Variants in PARD3B observed in about 807,000 individuals in gnomAD.
PARD3B encodes the protein par-3 family cell polarity regulator beta, also known as partitioning defective 3 homolog B.
PARD3B carries 103 observed loss-of-function variants against 130.2 expected under a neutral mutation model. That is an observed-to-expected ratio of 0.79 (90% CI 0.67 to 0.93). The LOEUF (loss-of-function observed/expected upper bound fraction) is 0.93. Among genes scored for constraint, PARD3B ranks in the 40% least tolerant of loss-of-function variants. The pLI is 0.00. For missense variants in PARD3B, 1,609 were observed against 1,499.2 expected (o/e 1.07, Z -1.21); for synonymous variants, 583 against 553.2 (o/e 1.05, Z -0.76).
chr2:205,029,391 A>G lies in PARD3B; in HGVS notation c.395-18190A>G, dbSNP rs545276601. Among the ~76,000 whole-genome samples, 6 of 152,082 alleles carry G rather than the reference A, an allele frequency of 3.9e-5. No homozygotes were observed. In the South Asian group the frequency reaches 1.2e-3, roughly 32 times the overall value. ...CTTACCACTTCCTTTGCTCTACCTCATCCTATAAGTGTCTTTCCCCTATGG... is the reference window on the plus strand; with the variant it reads ...CTTACCACTTCCTTTGCTCTACCTCGTCCTATAAGTGTCTTTCCCCTATGG... On this transcript the variant is annotated intron_variant, in intron 3 of 22. Transcript: ENST00000406610.
intron 4 of PARD3B, among the ~76,000 whole-genome samples, chr2:205,080,430 A>T (rs1701333621): frequency 6.6e-6 from 1 of 151,998 alleles, no homozygotes; most frequent in Admixed American, 6.6e-5. Flanking sequence ...TGATTTACCC[A>T]CCCTGGCCAA....
chr2:205,549,279 C>A (rs1354260870), intron 21 of PARD3B, among the ~76,000 whole-genome samples: 1 of 152,160 alleles, frequency 6.6e-6, no homozygotes, highest in African/African-American at 2.4e-5. Context: ...CCAGCAATCG[C>A]CTTCCTTAGT....
chr2:205,005,895 T>TC, intron 3 of PARD3B, among the ~76,000 whole-genome samples: 1 of 152,276 alleles, frequency 6.6e-6, no homozygotes, highest in Admixed American at 6.5e-5. Context: ...TTTTGAAATT[T>TC]TAGCACAACC....
At chr2:205,371,465 G>A (rs849205) in intron 18 of PARD3B, among the ~76,000 whole-genome samples, 37,356 of 152,070 alleles carry the variant, frequency 0.25, 5,958 homozygotes, top group African/African-American at 0.46. Context: ...TGTCCTGAAT[G>A]TTTGTGTTTA....
rs2047039698 is a variant in PARD3B at position 204,906,280 on chromosome 2, G to GCAA, written c.223-58870_223-58868dup. Among the ~76,000 whole-genome samples the GCAA allele has an allele frequency of 1.3e-5, 2 of 152,224 alleles. No homozygotes were observed. Among genetic ancestry groups the GCAA allele is most frequent in the South Asian group, 4.1e-4 (2 of 4,822 alleles). ...CTGGAGTAGGTGTCTCCTTCAGAAT[G>GCAA]CAACCCATTTAGACTCAGACTTTTC... On this transcript the variant is annotated intron_variant, in intron 2 of 22. Coordinates refer to ENST00000406610, the MANE Select transcript of PARD3B (RefSeq NM_001302769.2). This position sits in a 1 kb window ranked among gnomAD's most constrained non-coding sequence, Gnocchi z 4.3.
rs1025895255 is a variant in PARD3B at position 205,584,866 on chromosome 2, CT to C, written c.3261-30584del. On this transcript the variant is annotated intron_variant, in intron 22 of 22. Coordinates refer to ENST00000406610, the MANE Select transcript of PARD3B (RefSeq NM_001302769.2). This position sits in a 1 kb window ranked among gnomAD's most constrained non-coding sequence, Gnocchi z 5.5. The stretch of plus-strand genomic sequence containing the variant: ...CCTGAGCCTTCTTTTTTGGAAAACA[CT>C]TTTTTCCCCTTAGATTGTACATAAT... Among the ~76,000 whole-genome samples, 3 of 152,034 alleles carry C rather than the reference CT, an allele frequency of 2.0e-5. No homozygotes were observed. Among genetic ancestry groups the C allele is most frequent in the Admixed American group, 6.6e-5 (1 of 15,262 alleles).
At chr2:205,381,331 T>G (rs529724442) in intron 18 of PARD3B, among the ~76,000 whole-genome samples, 1 of 149,416 alleles carries the variant, frequency 6.7e-6, no homozygotes, top group African/African-American at 2.5e-5. Flanking sequence ...TTTGTCACAA[T>G]GACAACTGCT....
intron 15 of PARD3B, among the ~76,000 whole-genome samples, chr2:205,234,754 A>C (rs944183111): frequency 1.6e-4 from 25 of 152,196 alleles, no homozygotes; most frequent in African/African-American, 5.1e-4. Flanking sequence ...TCAAGAGCAC[A>C]TAGAACATTT....
chr2:205,210,253 A>C (rs6731255), intron 15 of PARD3B, among the ~76,000 whole-genome samples: 121,111 of 151,758 alleles, frequency 0.8, 48,967 homozygotes, highest in East Asian at 0.98. Context: ...AAATAAAAAG[A>C]AAATCAGCTT....
rs922397149 is a variant in PARD3B, at chr2:205,011,148, G to A, written c.395-36433G>A. Among the ~76,000 whole-genome samples, 2 of 152,316 alleles carry A rather than the reference G, an allele frequency of 1.3e-5. No homozygotes were observed. The highest frequency in any genetic ancestry group is 6.5e-5 in the Admixed American group (1 of 15,298). On this transcript the variant is annotated intron_variant, in intron 3 of 22. Transcript: ENST00000406610. The surrounding 1 kb of genome is among the most constrained non-coding windows in gnomAD (Gnocchi z 4.1). Reference sequence around the variant, plus strand: ...TGGTAGATGTTGTTATCCACTGGCCGTGTATTGATTATCTGCAGATTATAT... The same window carrying A: ...TGGTAGATGTTGTTATCCACTGGCCATGTATTGATTATCTGCAGATTATAT...
chr2:204,822,850 A>G (rs1362409305), intron 2 of PARD3B, among the ~76,000 whole-genome samples: 2 of 152,174 alleles, frequency 1.3e-5, no homozygotes, highest in African/African-American at 4.8e-5. Flanking sequence ...TAATTTTTTG[A>G]AAATATTAAC....
chr2:205,189,597 G>T (rs1209135771), intron 14 of PARD3B, among the ~76,000 whole-genome samples: 1 of 152,118 alleles, frequency 6.6e-6, no homozygotes, highest in African/African-American at 2.4e-5. Context: ...TTAAAATGTT[G>T]TATTTCATAG....
intron 18 of PARD3B, among the ~76,000 whole-genome samples, chr2:205,307,738 C>A (rs2042235713): frequency 6.6e-6 from 1 of 152,166 alleles, no homozygotes; most frequent in South Asian, 2.1e-4. Context: ...TACTTAATAA[C>A]CTTGTCAATC....
intron 13 of PARD3B, among the ~76,000 whole-genome samples, chr2:205,180,298 GATTTAGAGACCAAAAA>G (rs1354907243): frequency 6.6e-6 from 1 of 151,588 alleles, no homozygotes; most frequent in Non-Finnish European, 1.5e-5. Context: ...TAAGTCTATT[GATTTAGAGACCAAAAA>G]ATTATAGCAG....
intron 16 of PARD3B, among the ~76,000 whole-genome samples, chr2:205,299,498 G>A (rs1051041465): frequency 6.6e-6 from 1 of 151,588 alleles, no homozygotes; most frequent in Non-Finnish European, 1.5e-5. Context: ...AGCTTTGACT[G>A]TAGAGACAAG....
intron 15 of PARD3B, among the ~76,000 whole-genome samples, chr2:205,234,796 A>C (rs1439556095): frequency 6.6e-6 from 1 of 152,188 alleles, no homozygotes; most frequent in Non-Finnish European, 1.5e-5. Context: ...GACTATTAAA[A>C]AGTCTTAAAA....
At chr2:205,087,498 T>C (rs566604260) in intron 4 of PARD3B, among the ~76,000 whole-genome samples, 1 of 151,620 alleles carries the variant, frequency 6.6e-6, no homozygotes, top group South Asian at 2.1e-4. Flanking sequence ...ACATTTTCTC[T>C]TTTTTTTTCT....
Position 204,634,932 on chromosome 2 carries a change from C to T in PARD3B, c.121-51249C>T, listed in dbSNP as rs75580187. 9.5e-3 allele frequency among the ~76,000 whole-genome samples: 1,448 copies of T among 152,176 alleles called. 24 individuals carry two copies. The highest frequency in any genetic ancestry group is 0.033 in the African/African-American group (1,383 of 41,508). Reference sequence around the variant, plus strand: ...TTTCATCAATGATTTTCCTATCCTGCGAGATAGGTTGTAGAGCAAAGGCAA... The same window carrying T: ...TTTCATCAATGATTTTCCTATCCTGTGAGATAGGTTGTAGAGCAAAGGCAA... On this transcript the variant is annotated intron_variant, in intron 1 of 22. Transcript: ENST00000406610.
At chr2:205,613,393 G>T (rs1391977463) in intron 22 of PARD3B, among the ~76,000 whole-genome samples, 1 of 152,180 alleles carries the variant, frequency 6.6e-6, no homozygotes, top group East Asian at 1.9e-4. Flanking sequence ...AAAAGGAAAT[G>T]AAAATGAGCA....
Sources: allele counts gnomAD v4.1 joint callset (sites outside exome capture counted in the v4.1 genomes callset), GRCh38; gene constraint gnomAD v4.1.1; non-coding constraint Gnocchi (gnomAD v3.1); transcripts MANE v1.5; gene names NCBI Gene and HGNC (gene_info 2026-07-23, HGNC 2026-07-21).